The following SCML4 variants were observed in gnomAD, a reference collection of about 807,000 sequenced individuals.
SCML4 encodes sex comb on midleg-like protein 4.
Under a neutral mutation model 41.1 loss-of-function variants are expected in SCML4, and 34 were observed. The observed-to-expected ratio is 0.83, with a 90% CI of 0.63 to 1.10. The LOEUF (loss-of-function observed/expected upper bound fraction) is 1.10, where lower values mean the gene tolerates loss of function less well. Among genes scored for constraint, SCML4 ranks in the 50% least tolerant of loss-of-function variants. SCML4 has a pLI of 0.00. For missense variants in SCML4, 522 were observed against 534.1 expected, an observed-to-expected ratio of 0.98 and a Z score of 0.22; for synonymous variants, 214 against 220.9, an observed-to-expected ratio of 0.97 and a Z score of 0.28.
At chr6:107,765,583 C>G (rs1779969705) in intron 2 of SCML4, among the ~76,000 whole-genome samples, 1 of 152,200 alleles carries the variant, frequency 6.6e-6, no homozygotes, top group Admixed American at 6.5e-5. Context: ...TGAACCTACT[C>G]TGGCTCAGGA....
chr6:107,731,482 T>C (rs1174367121), intron 5 of SCML4, among the ~76,000 whole-genome samples: 1 of 152,210 alleles, frequency 6.6e-6, no homozygotes, highest in Non-Finnish European at 1.5e-5. Flanking sequence ...TTTCTCTCTC[T>C]CTCTCACCCC....
At chr6:107,822,230 CATT>C (rs1222799857) in intron 1 of SCML4, among the ~76,000 whole-genome samples, 4 of 152,130 alleles carry the variant, frequency 2.6e-5, no homozygotes, top group Admixed American at 6.5e-5. Context: ...TTTGAACTCT[CATT>C]ATAAAAGTTC....
At chr6:107,743,055 C>T (rs554021579) in intron 5 of SCML4, among the ~76,000 whole-genome samples, 8 of 152,156 alleles carry the variant, frequency 5.3e-5, no homozygotes, top group African/African-American at 1.9e-4. Flanking sequence ...TGGAGTTAAA[C>T]TGCAGGATTG....
chr6:107,819,071 C>T (rs186191242), intron 1 of SCML4, among the ~76,000 whole-genome samples: 4 of 152,254 alleles, frequency 2.6e-5, no homozygotes, highest in East Asian at 3.9e-4. Context: ...CTGTATGGTA[C>T]TCATAGCTAT....
chr6:107,840,706 GA>G, the SCML4 span, among the ~76,000 whole-genome samples: 50 of 152,332 alleles, frequency 3.3e-4, no homozygotes, highest in African/African-American at 1.1e-3. Context: ...GAAATGTGAT[GA>G]GGGGGAGAGG....
At chr6:107,821,784 A>G (rs898240792) in intron 1 of SCML4, among the ~76,000 whole-genome samples, 11 of 152,082 alleles carry the variant, frequency 7.2e-5, no homozygotes, top group Admixed American at 6.6e-4. Flanking sequence ...TGGGGAGGAA[A>G]ATTGTCCTGC....
intron 1 of SCML4, among the ~76,000 whole-genome samples, chr6:107,787,304 T>C (rs1449426896): frequency 2.0e-5 from 3 of 152,224 alleles, no homozygotes; most frequent in East Asian, 3.8e-4. Context: ...GAATTTTTTT[T>C]TGAAGATTGC....
chr6:107,720,531 G>A, intron 6 of SCML4, 172 bp downstream of exon 6: 1 of 1,386,428 alleles, frequency 7.2e-7, no homozygotes, highest in African/African-American at 1.5e-5. Flanking sequence ...CAAAGGTTGA[G>A]TTTGGCTGTT....
intron 2 of SCML4, among the ~76,000 whole-genome samples, chr6:107,766,467 C>G (rs566021553): frequency 1.1e-4 from 16 of 151,938 alleles, no homozygotes; most frequent in African/African-American, 3.6e-4. Context: ...TATAATAAAA[C>G]CCTGTCCAGA....
chr6:107,741,436 C>T (rs1777589823), intron 5 of SCML4, among the ~76,000 whole-genome samples: 1 of 152,200 alleles, frequency 6.6e-6, no homozygotes, highest in African/African-American at 2.4e-5. Context: ...CCTGTCCTTG[C>T]CTTAATCCAT....
chr6:107,792,707 G>C (rs1185831398), intron 1 of SCML4, among the ~76,000 whole-genome samples: 1 of 151,436 alleles, frequency 6.6e-6, no homozygotes, highest in African/African-American at 2.4e-5. Flanking sequence ...GCTCCAGCCT[G>C]GTGACAGGGA....
At chr6:107,708,046 G>A in intron 6 of SCML4, 35 bp from the exon 7 acceptor site, 1 of 1,545,518 alleles carries the variant, frequency 6.5e-7, no homozygotes, top group South Asian at 1.2e-5. Flanking sequence ...CCATGAGCCA[G>A]TGGGACAGGG....
At chr6:107,730,322 C>T (rs1264596482) in intron 5 of SCML4, among the ~76,000 whole-genome samples, 1 of 152,132 alleles carries the variant, frequency 6.6e-6, no homozygotes, top group East Asian at 1.9e-4. Context: ...GGCTCACAGG[C>T]GAAGGCACTC....
the SCML4 span, among the ~76,000 whole-genome samples, chr6:107,845,252 A>C: frequency 6.6e-6 from 1 of 152,120 alleles, no homozygotes; most frequent in African/African-American, 2.4e-5. Context: ...CTCATCCCCA[A>C]CATAGTAACA....
At chr6:107,726,179 C>G (rs1386754682) in intron 5 of SCML4, among the ~76,000 whole-genome samples, 1 of 151,554 alleles carries the variant, frequency 6.6e-6, no homozygotes, top group Non-Finnish European at 1.5e-5. Context: ...ACTTGTATAT[C>G]TTGTAAAAGG....
At chr6:107,748,592 C>A (rs1167773724) in intron 3 of SCML4, among the ~76,000 whole-genome samples, 1 of 152,156 alleles carries the variant, frequency 6.6e-6, no homozygotes, top group African/African-American at 2.4e-5. Context: ...CAGGTCTCAT[C>A]CCAGGTGATA....
intron 1 of SCML4, among the ~76,000 whole-genome samples, chr6:107,780,077 C>T (rs1327690206): frequency 4.6e-5 from 7 of 152,214 alleles, no homozygotes; most frequent in African/African-American, 1.7e-4. Context: ...ACCCACAGAG[C>T]ACGCCTGGCA....
Position 107,763,893 on chromosome 6 carries a change from G to A in SCML4, c.156+8279C>T, listed in dbSNP as rs549848994. Among the ~76,000 whole-genome samples the A allele has an allele frequency of 2.4e-3, 363 of 152,262 alleles. 2 individuals are homozygous for A. The highest frequency in any genetic ancestry group is 8.4e-3 in the African/African-American group (347 of 41,548). ...AAGCCACCCAGGCTATGGTATTTTGGTATGGCAGCCCGAGCTAAGACACCT... is the reference window on the plus strand; with the variant it reads ...AAGCCACCCAGGCTATGGTATTTTGATATGGCAGCCCGAGCTAAGACACCT... On this transcript the variant is annotated intron_variant, in intron 2 of 7. Transcript: ENST00000369020.
At chr6:107,776,257 A>C (rs946610796) in intron 1 of SCML4, among the ~76,000 whole-genome samples, 1 of 152,222 alleles carries the variant, frequency 6.6e-6, no homozygotes, top group Non-Finnish European at 1.5e-5. Context: ...GGAACAACAA[A>C]AGGTTAATAC....
Sources: allele counts gnomAD v4.1 joint callset (sites outside exome capture counted in the v4.1 genomes callset), GRCh38; gene constraint gnomAD v4.1.1; transcripts MANE v1.5; gene names NCBI Gene and HGNC (gene_info 2026-07-23, HGNC 2026-07-21).